Variants in IPPK observed in about 807,000 individuals in gnomAD.
IPPK encodes IPK1 homolog.
A neutral mutation model predicts 64.6 loss-of-function variants in IPPK; 22 were observed. The observed-to-expected ratio is 0.34, with a 90% CI of 0.24 to 0.49. The LOEUF is 0.49. Among genes scored for constraint, IPPK ranks in the 20% least tolerant of loss-of-function variants. The probability of loss-of-function intolerance (pLI) is 0.99; values close to 1 mark genes in which losing one functional copy is unlikely to be tolerated. For synonymous variants in IPPK, 262 were observed against 247.2 expected (o/e 1.06, Z -0.56); for missense variants, 532 against 630.7 (o/e 0.84, Z 1.68).
Position 92,658,653 on chromosome 9 carries a change from A to G in IPPK, c.110T>C (p.Phe37Ser), listed in dbSNP as rs748286002. The G allele has an allele frequency of 6.2e-7, 1 of 1,614,108 alleles. No homozygotes were observed. The highest frequency in any genetic ancestry group is 8.5e-7 in the Non-Finnish European group (1 of 1,179,938). The change falls in exon 2 of 13, where the codon TTT becomes TCT. Residue 37 changes from phenylalanine (F) to serine (S), a missense_variant. Coordinates refer to ENST00000287996, the MANE Select transcript of IPPK (RefSeq NM_022755.6). ...QRCVVLRFLK[F>S]PPNRKKTSEE... ...TCTTACCTTCTTCCTATTTGGAGGA[A>G]ACTTCAGAAACCGCAGCACGACGCA...
At chr9:92,661,102 G>A (rs1010100082) in intron 1 of IPPK, among the ~76,000 whole-genome samples, 4 of 152,120 alleles carry the variant, frequency 2.6e-5, no homozygotes, top group South Asian at 4.1e-4. Flanking sequence ...CAGGGCCCAC[G>A]CTACACTCCT....
At position 92,669,611 on chromosome 9, in the gene IPPK, G is replaced by C. The variant is rs1350524670; in HGVS notation, c.81+297C>G. ...CGCGGCACCGACGGGGCGGGGAGGGGGATGTGGAACTGACTCTGACGGGGA... is the reference window on the plus strand; with the variant it reads ...CGCGGCACCGACGGGGCGGGGAGGGCGATGTGGAACTGACTCTGACGGGGA... On this transcript the variant is annotated intron_variant, in intron 1 of 12. Transcript: ENST00000287996. 2.0e-5 allele frequency among the ~76,000 whole-genome samples: 3 copies of C among 152,280 alleles called. No individual in the cohort carries two copies. The East Asian group carries it at 5.8e-4, about 29-fold the overall frequency.
At chr9:92,630,606 GC>G (rs758782179) in intron 11 of IPPK, among the ~76,000 whole-genome samples, 9 of 152,042 alleles carry the variant, frequency 5.9e-5, no homozygotes, top group Non-Finnish European at 8.8e-5. Context: ...AGAATGTTAG[GC>G]AGTGATATGG....
At chr9:92,633,804 T>C (rs963217497) in intron 11 of IPPK, among the ~76,000 whole-genome samples, 2 of 152,240 alleles carry the variant, frequency 1.3e-5, no homozygotes, top group Non-Finnish European at 2.9e-5. Context: ...CACAGGCTCA[T>C]TGCCACATTC....
chr9:92,642,728 G>A, intron 7 of IPPK, 24 bp downstream of exon 7: 1 of 1,609,594 alleles, frequency 6.2e-7, no homozygotes, highest in South Asian at 1.1e-5. Context: ...GACACAAGGG[G>A]GCAAAGGAGA....
intron 9 of IPPK, among the ~76,000 whole-genome samples, chr9:92,636,614 C>G (rs1851947468): frequency 1.3e-5 from 2 of 151,754 alleles, no homozygotes; most frequent in Non-Finnish European, 2.9e-5. Context: ...GCACTCCAGC[C>G]TGGGCAACAG....
chr9:92,662,634 C>T (rs1191934045), intron 1 of IPPK, among the ~76,000 whole-genome samples: 1 of 152,072 alleles, frequency 6.6e-6, no homozygotes, highest in African/African-American at 2.4e-5. Flanking sequence ...AAACCAAGGC[C>T]CAAGCCACAC....
At chr9:92,617,877 C>T (rs1851493522) in intron 12 of IPPK, 1 of 212,372 alleles carries the variant, frequency 4.7e-6, no homozygotes, top group Non-Finnish European at 9.6e-6. Flanking sequence ...GAGACATTTT[C>T]CTTTATGACA....
rs149891207 is a variant in IPPK, at chr9:92,651,952, C to T, written c.292+621G>A. Among the ~76,000 whole-genome samples the T allele has an allele frequency of 8.5e-3, 1,298 of 152,084 alleles. 7 individuals carry two copies. The highest frequency in any genetic ancestry group is 0.013 in the Non-Finnish European group (858 of 67,972). The stretch of plus-strand genomic sequence containing the variant: ...AGAAGGTGTTTCACCATGTTGGTCA[C>T]GCTGGTCTCGAACTCCTGACCTCAG... On this transcript the variant is annotated intron_variant, in intron 4 of 12. Transcript: ENST00000287996.
At chr9:92,621,881 C>T (rs775362168) in intron 11 of IPPK, among the ~76,000 whole-genome samples, 7 of 152,182 alleles carry the variant, frequency 4.6e-5, no homozygotes, top group Middle Eastern at 3.4e-3. Context: ...AAGTGTTTTA[C>T]GGGCAGGTCT....
At chr9:92,630,513 T>C (rs1322675985) in intron 11 of IPPK, among the ~76,000 whole-genome samples, 1 of 152,202 alleles carries the variant, frequency 6.6e-6, no homozygotes, top group East Asian at 1.9e-4. Flanking sequence ...ACACTTTCAG[T>C]GGGTAAACTG....
rs980831035 is a variant in IPPK at position 92,651,447 on chromosome 9, A to G, written c.292+1126T>C. 4.6e-5 allele frequency among the ~76,000 whole-genome samples: 7 copies of G among 152,360 alleles called. No individual in the cohort carries two copies. In the East Asian group the frequency reaches 1.3e-3, roughly 29 times the overall value. ...GGATGGGAGGGGATTGGGGAAGGAC[A>G]ACATGAGGATGGGGAAGGTGATGCC... is the stretch of plus-strand genomic sequence containing the variant. On this transcript the variant is annotated intron_variant, in intron 4 of 12. Coordinates refer to ENST00000287996, the MANE Select transcript of IPPK (RefSeq NM_022755.6).
At chr9:92,618,101 TCACAG>T in intron 12 of IPPK, 1 of 380,612 alleles carries the variant, frequency 2.6e-6, no homozygotes, top group Non-Finnish European at 5.2e-6. Context: ...TACTGGAACT[TCACAG>T]GTGCGGCCAC....
chr9:92,668,650 A>T (rs1304426280), intron 1 of IPPK, among the ~76,000 whole-genome samples: 1 of 152,172 alleles, frequency 6.6e-6, no homozygotes, highest in African/African-American at 2.4e-5. Context: ...CAACAAAAGG[A>T]CTCACGCAGA....
chr9:92,624,624 ACT>A (rs1157579318), intron 11 of IPPK, among the ~76,000 whole-genome samples: 6 of 151,966 alleles, frequency 3.9e-5, no homozygotes, highest in South Asian at 2.1e-4. Flanking sequence ...ATGAAATGAA[ACT>A]CTGTCTCAAA....
chr9:92,638,860 C>T (rs182710081), intron 8 of IPPK, among the ~76,000 whole-genome samples: 2 of 152,306 alleles, frequency 1.3e-5, no homozygotes, highest in East Asian at 3.9e-4. Flanking sequence ...AGCAAAGAAA[C>T]TCCTTACAAC....
rs377153589 is a variant in IPPK at position 92,634,370 on chromosome 9, G to C, written c.1170+16C>G. 1 of 1,584,320 alleles carries C rather than the reference G, an allele frequency of 6.3e-7. No homozygotes were observed. The highest frequency in any genetic ancestry group is 1.3e-5 in the African/African-American group (1 of 74,314). Reference sequence around the variant, plus strand: ...GCTAAGGATCACACAGCAAGTTTTTGGATGGGTCTGCCCACCTTCGTTAGC... The same window carrying C: ...GCTAAGGATCACACAGCAAGTTTTTCGATGGGTCTGCCCACCTTCGTTAGC... On this transcript the variant is annotated intron_variant, in intron 11 of 12. Transcript: ENST00000287996.
chr9:92,627,595 C>CA (rs1364425843), intron 11 of IPPK, among the ~76,000 whole-genome samples: 1 of 152,090 alleles, frequency 6.6e-6, no homozygotes, highest in Non-Finnish European at 1.5e-5. Flanking sequence ...GAATAAAGGA[C>CA]AAAAACCACA....
intron 11 of IPPK, among the ~76,000 whole-genome samples, chr9:92,631,121 T>C (rs751199463): frequency 7.9e-5 from 12 of 152,124 alleles, no homozygotes; most frequent in African/African-American, 2.2e-4. Flanking sequence ...GCAAGAGTTA[T>C]TGGGGGCTTC....
Sources: gnomAD v4.1 joint callset for allele counts (sites outside exome capture counted in the v4.1 genomes callset) on GRCh38, gnomAD v4.1.1 for gene constraint, MANE v1.5 for transcripts, NCBI Gene and HGNC (gene_info 2026-07-23, HGNC 2026-07-21) for gene names.